Variants in RAPGEF6 observed in about 807,000 individuals in gnomAD.
RAPGEF6 encodes the protein PDZ domain containing guanine nucleotide exchange factor (GEF) 2.
Under a neutral mutation model 171.4 loss-of-function variants are expected in RAPGEF6, and 56 were observed. The ratio of observed to expected loss-of-function variants is 0.33; its 90% CI spans 0.26 to 0.41. The LOEUF (loss-of-function observed/expected upper bound fraction) is 0.41, where lower values mean the gene tolerates loss of function less well. Among genes scored for constraint, RAPGEF6 ranks in the 10% least tolerant of loss-of-function variants. The pLI, the probability that RAPGEF6 is intolerant of heterozygous loss-of-function variation, is 1.00. For synonymous variants in RAPGEF6, 692 were observed against 650.1 expected, an observed-to-expected ratio of 1.06 and a Z score of -0.98; for missense variants, 1,674 against 1,921.4, an observed-to-expected ratio of 0.87 and a Z score of 2.41.
chr5:131,562,005 A>G lies in RAPGEF6; in HGVS notation c.324T>C (p.Leu108=), dbSNP rs760627035. The G allele has an allele frequency of 6.3e-7, 1 of 1,592,314 alleles. No homozygotes were observed. The highest frequency in any genetic ancestry group is 8.5e-7 in the Non-Finnish European group (1 of 1,171,310). ...QFGGKRGCDC[L]VLEPSEMIVV... is the part of the protein sequence containing the mutation. The stretch of plus-strand genomic sequence containing the variant: ...CAATCATTTCTGAAGGCTCTAATAC[A>G]AGACAATCACATCCTCTTTTTCCTC... Residue 108 remains leucine (L), a synonymous_variant, in exon 5 of 28, where the codon CTT becomes CTC. Transcript: ENST00000509018.
intron 16 of RAPGEF6, among the ~76,000 whole-genome samples, chr5:131,477,883 C>G (rs1171569304): frequency 6.6e-6 from 1 of 152,158 alleles, no homozygotes; most frequent in Non-Finnish European, 1.5e-5. Flanking sequence ...TTTCTGCCTT[C>G]TGGATCCTCG....
At chr5:131,560,171 T>C (rs149964717) in intron 5 of RAPGEF6, among the ~76,000 whole-genome samples, 56 of 152,366 alleles carry the variant, frequency 3.7e-4, no homozygotes, top group African/African-American at 1.3e-3. Flanking sequence ...TTTTATTTTA[T>C]ATACTTGTTT....
chr5:131,629,655 C>G (rs1766170601), intron 1 of RAPGEF6, among the ~76,000 whole-genome samples: 1 of 149,312 alleles, frequency 6.7e-6, no homozygotes, highest in African/African-American at 2.5e-5. Flanking sequence ...ACTCAGGAGG[C>G]TGAGGTGGGG....
At chr5:131,564,571 C>A (rs181474003) in intron 4 of RAPGEF6, among the ~76,000 whole-genome samples, 20 of 152,136 alleles carry the variant, frequency 1.3e-4, no homozygotes, top group Non-Finnish European at 1.8e-4. Context: ...AAAGCTGGAA[C>A]CCAGTGACAT....
At chr5:131,594,342 G>C (rs534980658) in intron 3 of RAPGEF6, among the ~76,000 whole-genome samples, 182 of 152,388 alleles carry the variant, frequency 1.2e-3, no homozygotes, top group African/African-American at 4.3e-3. Flanking sequence ...ACATGGTGTT[G>C]GGCCTGCGGG....
chr5:131,493,083 G>T (rs1756395883), intron 13 of RAPGEF6, among the ~76,000 whole-genome samples: 1 of 150,994 alleles, frequency 6.6e-6, no homozygotes, highest in Non-Finnish European at 1.5e-5. Flanking sequence ...TTATTTTTTT[G>T]AGACGGAGCC....
At chr5:131,520,412 A>G (rs1758399358) in intron 7 of RAPGEF6, among the ~76,000 whole-genome samples, 1 of 152,230 alleles carries the variant, frequency 6.6e-6, no homozygotes, top group African/African-American at 2.4e-5. Flanking sequence ...ACATGTTGTA[A>G]TTATAGTATT....
At chr5:131,429,547 A>T (rs1231744826) in intron 26 of RAPGEF6, among the ~76,000 whole-genome samples, 1 of 152,126 alleles carries the variant, frequency 6.6e-6, no homozygotes, top group Non-Finnish European at 1.5e-5. Context: ...CCCTAAAGAT[A>T]TCAGAAACAT....
At chr5:131,602,651 C>T (rs1345368645) in intron 3 of RAPGEF6, among the ~76,000 whole-genome samples, 1 of 152,116 alleles carries the variant, frequency 6.6e-6, no homozygotes, top group Non-Finnish European at 1.5e-5. Context: ...AACCCAGCTA[C>T]TTGGGAGGTT....
chr5:131,506,911 A>C (rs1580935469), intron 9 of RAPGEF6, among the ~76,000 whole-genome samples: 1 of 151,776 alleles, frequency 6.6e-6, no homozygotes, highest in Admixed American at 6.6e-5. Context: ...AAAAAAATTA[A>C]TACTATATTC....
chr5:131,456,416 CTG>C (rs1753506910), intron 19 of RAPGEF6, among the ~76,000 whole-genome samples: 1 of 152,164 alleles, frequency 6.6e-6, no homozygotes, highest in African/African-American at 2.4e-5. Flanking sequence ...TAAATAATAA[CTG>C]GAGCTAATTC....
chr5:131,561,072 G>A (rs1488049183), intron 5 of RAPGEF6, among the ~76,000 whole-genome samples: 2 of 151,316 alleles, frequency 1.3e-5, no homozygotes, highest in Non-Finnish European at 2.9e-5. Flanking sequence ...GGTCATCTTA[G>A]AACAACGTAA....
chr5:131,526,967 G>A (rs978051847), intron 6 of RAPGEF6, among the ~76,000 whole-genome samples: 2 of 152,148 alleles, frequency 1.3e-5, no homozygotes, highest in Non-Finnish European at 2.9e-5. Flanking sequence ...GAGAGGTATT[G>A]AGAAAAGGCT....
intron 18 of RAPGEF6, among the ~76,000 whole-genome samples, chr5:131,462,814 C>T (rs747399846): frequency 1.3e-5 from 2 of 152,086 alleles, no homozygotes; most frequent in Non-Finnish European, 2.9e-5. Flanking sequence ...TCTAATAATC[C>T]AACTTGATTT....
chr5:131,566,878 G>A (rs1761980178), intron 4 of RAPGEF6, among the ~76,000 whole-genome samples: 1 of 151,984 alleles, frequency 6.6e-6, no homozygotes, highest in Non-Finnish European at 1.5e-5. Flanking sequence ...GGAAGCCGAG[G>A]CAGGTGGATC....
intron 23 of RAPGEF6, chr5:131,440,073 C>G: frequency 2.6e-6 from 1 of 385,164 alleles, no homozygotes; most frequent in Non-Finnish European, 5.0e-6. Flanking sequence ...TCCCTCCCCT[C>G]TAGAGGTGGC....
intron 15 of RAPGEF6, among the ~76,000 whole-genome samples, chr5:131,480,595 C>T (rs538966879): frequency 8.5e-5 from 13 of 152,194 alleles, no homozygotes; most frequent in African/African-American, 2.9e-4. Context: ...TCTCTTGCCT[C>T]GGCTTCCAGA....
chr5:131,629,639 C>A (rs899114785), intron 1 of RAPGEF6, among the ~76,000 whole-genome samples: 12 of 150,556 alleles, frequency 8.0e-5, no homozygotes, highest in African/African-American at 2.9e-4. Flanking sequence ...ACCTGTAGTA[C>A]CAGCTACTCA....
At chr5:131,618,322 A>G (rs1004258895) in intron 1 of RAPGEF6, among the ~76,000 whole-genome samples, 2 of 152,288 alleles carry the variant, frequency 1.3e-5, no homozygotes, top group South Asian at 4.2e-4. Context: ...TAACAAATGT[A>G]AAAGAAATAT....
Sources: gnomAD v4.1 joint callset for allele counts (sites outside exome capture counted in the v4.1 genomes callset) on GRCh38, gnomAD v4.1.1 for gene constraint, MANE v1.5 for transcripts, NCBI Gene and HGNC (gene_info 2026-07-23, HGNC 2026-07-21) for gene names.